The following COBLL1 variants were observed in gnomAD, a reference collection of about 807,000 sequenced individuals.
COBLL1 encodes the protein cordon-bleu WH2 repeat protein like 1.
In COBLL1, 50 loss-of-function variants were observed where a neutral mutation model predicts 94.8. The ratio of observed to expected loss-of-function variants is 0.53; its 90% CI spans 0.42 to 0.67. The LOEUF (loss-of-function observed/expected upper bound fraction) is 0.67, where lower values mean the gene tolerates loss of function less well. Ranked by LOEUF, COBLL1 falls within the 30% of genes least tolerant of loss-of-function variation. The pLI is 0.00. For missense variants in COBLL1, 1,362 were observed against 1,348.7 expected (o/e 1.01, Z -0.15); for synonymous variants, 448 against 473.8 (o/e 0.95, Z 0.71).
intron 9 of COBLL1, 51 bp downstream of exon 9, chr2:164,704,393 C>T (rs1402690046): frequency 1.7e-6 from 2 of 1,200,822 alleles, no homozygotes; most frequent in African/African-American, 1.5e-5. Context: ...TCTCAATTAT[C>T]ATGGACGTCC....
chr2:164,679,076 C>T (rs760969510), downstream of COBLL1, among the ~76,000 whole-genome samples: 6 of 152,140 alleles, frequency 3.9e-5, no homozygotes. Context: ...ATCATGTCTT[C>T]GCAGCCTCTA....
chr2:164,837,287 T>C, intron 2 of COBLL1: 1 of 279,312 alleles, frequency 3.6e-6, no homozygotes. Flanking sequence ...ACATAAGCAC[T>C]AGTTCCAAAG....
intron 7 of COBLL1, among the ~76,000 whole-genome samples, chr2:164,718,780 C>T (rs1319213): frequency 0.16 from 24,418 of 152,108 alleles, 2,099 homozygotes; most frequent in East Asian, 0.3. Context: ...AATGGACATC[C>T]TTTGGATGGG....
chr2:164,800,540 C>T, intron 2 of COBLL1: 1 of 701,986 alleles, frequency 1.4e-6, no homozygotes, highest in Middle Eastern at 2.3e-4. Context: ...TTACCATGAC[C>T]CAGCAATCTC....
At chr2:164,752,604 G>A (rs1278195057) in intron 2 of COBLL1, among the ~76,000 whole-genome samples, 2 of 152,090 alleles carry the variant, frequency 1.3e-5, no homozygotes, top group Non-Finnish European at 1.5e-5. Context: ...CAAAAGCACA[G>A]AGAGCATGGG....
intron 10 of COBLL1, among the ~76,000 whole-genome samples, chr2:164,700,310 G>A (rs1477963095): frequency 6.6e-6 from 1 of 151,812 alleles, no homozygotes; most frequent in Admixed American, 6.6e-5. Context: ...TCTGACACAG[G>A]GATATTAGAA....
At chr2:164,775,376 T>C (rs1688415851) in intron 2 of COBLL1, among the ~76,000 whole-genome samples, 2 of 152,274 alleles carry the variant, frequency 1.3e-5, no homozygotes, top group African/African-American at 2.4e-5. Context: ...ATGTTGCCAA[T>C]CCTGAAATCT....
intron 2 of COBLL1, among the ~76,000 whole-genome samples, chr2:164,806,748 G>A (rs1290289623): frequency 1.3e-5 from 2 of 152,040 alleles, no homozygotes; most frequent in African/African-American, 2.4e-5. Context: ...CACCCAACCT[G>A]TGGTACAGTG....
At chr2:164,662,456 G>T (rs544602854) in intron 2 of COBLL1, among the ~76,000 whole-genome samples, 1 of 152,256 alleles carries the variant, frequency 6.6e-6, no homozygotes, top group South Asian at 2.1e-4. Flanking sequence ...AAACCTACAA[G>T]TACTCCCTGT....
rs1293770318 is a variant in COBLL1 at position 164,666,124 on chromosome 2, A to G, written n.127-223T>C. Among the ~76,000 whole-genome samples the G allele has an allele frequency of 2.6e-5, 4 of 152,314 alleles. No homozygotes were observed. The East Asian group carries it at 7.7e-4, about 29-fold the overall frequency. On this transcript the variant is annotated intron_variant and non_coding_transcript_variant, in intron 1 of 2. Coordinates refer to the COBLL1 transcript ENST00000495084. ...ATGTATCCCATAGATATGTATAATT[A>G]TTATATGTCAATTAGAAAATAAAAT...
chr2:164,710,281 G>A (rs999963071), intron 7 of COBLL1, among the ~76,000 whole-genome samples: 8 of 152,026 alleles, frequency 5.3e-5, no homozygotes, highest in Non-Finnish European at 1.5e-5. Context: ...AAGTCTGCAG[G>A]AAAAGAAGGG....
At chr2:164,692,091 T>C in intron 13 of COBLL1, 130 bp downstream of exon 13, 3 of 774,722 alleles carry the variant, frequency 3.9e-6, no homozygotes, top group Non-Finnish European at 5.9e-6. Context: ...CAGCTTATAC[T>C]TCAAAGACAC....
At chr2:164,828,721 G>A (rs960716886) in intron 2 of COBLL1, among the ~76,000 whole-genome samples, 5 of 152,078 alleles carry the variant, frequency 3.3e-5, no homozygotes, top group South Asian at 2.1e-4. Context: ...ACATTTTAAC[G>A]GAATTAATTT....
chr2:164,665,525 A>ATTT, intron 2 of COBLL1, among the ~76,000 whole-genome samples: 1 of 152,082 alleles, frequency 6.6e-6, no homozygotes, highest in Admixed American at 6.5e-5. Flanking sequence ...AAAGATTGAA[A>ATTT]ACCCTACCCC....
At chr2:164,761,542 T>C (rs1266132431) in intron 2 of COBLL1, 2 of 151,554 alleles carry the variant, frequency 1.3e-5, no homozygotes, top group East Asian at 3.9e-4. Context: ...AAAAAACCCA[T>C]GCTGTGAAAA....
intron 2 of COBLL1, among the ~76,000 whole-genome samples, chr2:164,744,994 C>T (rs927502451): frequency 2.0e-5 from 3 of 152,072 alleles, no homozygotes; most frequent in South Asian, 4.1e-4. Flanking sequence ...GTTTTTGAAA[C>T]TATTACCTTT....
chr2:164,659,915 G>A (rs574701917), intron 2 of COBLL1, among the ~76,000 whole-genome samples: 1 of 152,160 alleles, frequency 6.6e-6, no homozygotes, highest in African/African-American at 2.4e-5. Context: ...ACAAAGCAAT[G>A]AGCTAATGTT....
intron 9 of COBLL1, among the ~76,000 whole-genome samples, chr2:164,702,575 A>AAAAATAAT (rs1553469790): frequency 1.5e-5 from 2 of 135,066 alleles, no homozygotes; most frequent in African/African-American, 3.0e-5. Context: ...AAAAAAAAAA[A>AAAAATAAT]AATAATAATA....
chr2:164,722,485 C>A lies in COBLL1; in HGVS notation c.699G>T (p.Lys233Asn). The part of the protein sequence containing the change: ...CQISQNLDIM[K>N]EKENKGFFSF... ...TGAAAAACCCTTTATTTTCTTTCTC[C>A]TTCATAATATCTAGGTTTTGTGATA... Residue 233 changes from lysine (K) to asparagine (N), a missense_variant, in exon 6 of 14, where the codon AAG becomes AAT. Lys to Asn is a moderately conservative substitution (Grantham distance 94). Coordinates refer to ENST00000652658, the MANE Select transcript of COBLL1 (RefSeq NM_001365672.2). The A allele has an allele frequency of 6.6e-7, 1 of 1,524,194 alleles. No individual in the cohort carries two copies. The highest frequency in any genetic ancestry group is 8.8e-7 in the Non-Finnish European group (1 of 1,139,318). 94.4% of individuals were successfully genotyped at this position (1,524,194 alleles called of 1,614,324 possible).
Sources: allele counts gnomAD v4.1 joint callset (sites outside exome capture counted in the v4.1 genomes callset), GRCh38; gene constraint gnomAD v4.1.1; transcripts MANE v1.5; gene names NCBI Gene and HGNC (gene_info 2026-07-23, HGNC 2026-07-21).